The following ANK1 variants were observed in gnomAD, a reference collection of about 807,000 sequenced individuals.
ANK1 encodes ankyrin 1, also known as ankyrin-1.
A neutral mutation model predicts 210.4 loss-of-function variants in ANK1; 51 were observed. The ratio of observed to expected loss-of-function variants is 0.24; its 90% CI spans 0.19 to 0.31. ANK1 has a LOEUF of 0.31. Ranked by LOEUF, ANK1 falls within the 10% of genes least tolerant of loss-of-function variation. ANK1 has a pLI of 1.00. For synonymous variants in ANK1, 967 were observed against 1,025.9 expected (o/e 0.94, Z 1.10); for missense variants, 2,051 against 2,504.4 (o/e 0.82, Z 3.86).
rs474059 is a variant in ANK1 at position 41,663,951 on chromosome 8, C to G, written c.5395-209G>C. On this transcript the variant is annotated intron_variant, in intron 39 of 42. Coordinates refer to ENST00000289734, the MANE Select transcript of ANK1 (RefSeq NM_000037.4). Reference sequence around the variant, plus strand: ...CCTGAGGGTCTGGGAGGCCTGAAGACGAACGGTCGAGCTCACAATTGTGCA... The same window carrying G: ...CCTGAGGGTCTGGGAGGCCTGAAGAGGAACGGTCGAGCTCACAATTGTGCA... 0.57 allele frequency: 370,079 copies of G among 651,274 alleles called. 107,107 individuals carry two copies. Among genetic ancestry groups the G allele is most frequent in the East Asian group, 0.63 (21,783 of 34,702 alleles). 40.3% of individuals were successfully genotyped at this position (651,274 alleles called of 1,614,324 possible). A position where few individuals can be genotyped will look rare whatever the true frequency, so the allele number is the denominator to read the frequency against.
At chr8:41,780,021 G>T (rs890990419) in intron 1 of ANK1, among the ~76,000 whole-genome samples, 1 of 152,214 alleles carries the variant, frequency 6.6e-6, no homozygotes, top group Non-Finnish European at 1.5e-5. Flanking sequence ...GAGCACGGTA[G>T]CCCCTTGTTC....
At chr8:41,745,725 G>T in intron 2 of ANK1, among the ~76,000 whole-genome samples, 1 of 152,042 alleles carries the variant, frequency 6.6e-6, no homozygotes, top group East Asian at 1.9e-4. Flanking sequence ...TAGAGATGGG[G>T]TCTTGCTATG....
intron 1 of ANK1, among the ~76,000 whole-genome samples, chr8:41,864,455 C>G (rs551061100): frequency 6.6e-6 from 1 of 152,114 alleles, no homozygotes; most frequent in Non-Finnish European, 1.5e-5. Flanking sequence ...CTGCCCACCA[C>G]GAGAGCTGCT....
At chr8:41,709,995 C>CATT (rs750315770) in intron 16 of ANK1, among the ~76,000 whole-genome samples, 1 of 152,218 alleles carries the variant, frequency 6.6e-6, no homozygotes, top group Non-Finnish European at 1.5e-5. Context: ...GTTTGCAAGA[C>CATT]ATTATAATTG....
chr8:41,794,995 T>C (rs1218921500), intron 1 of ANK1, among the ~76,000 whole-genome samples: 3 of 152,134 alleles, frequency 2.0e-5, no homozygotes, highest in Non-Finnish European at 2.9e-5. Context: ...TGAGCCACCG[T>C]GCCTGGCCGT....
chr8:41,896,489 AC>A lies in ANK1; in HGVS notation c.-10del, dbSNP rs779976792. ...TTGGCCGCTTGAGCCATGGCGGGTC[AC>A]GGCGCTCCCGTCCCCGCCTCCTGGA... is the stretch of plus-strand genomic sequence containing the variant. On this transcript the variant is annotated 5_prime_UTR_variant, in exon 1 of 43. Coordinates refer to the ANK1 transcript ENST00000265709. 5.6e-4 allele frequency: 889 copies of A among 1,591,182 alleles called. 2 individuals carry two copies. The highest frequency in any genetic ancestry group is 3.5e-3 in the Middle Eastern group (21 of 6,024).
intron 38 of ANK1, among the ~76,000 whole-genome samples, chr8:41,669,131 A>G (rs2150557668): frequency 6.6e-6 from 1 of 151,360 alleles, no homozygotes; most frequent in East Asian, 2.0e-4. Flanking sequence ...CCCGGGGTGC[A>G]GTTCTCAGAC....
At chr8:41,802,118 T>G (rs1267902323), upstream of ANK1, among the ~76,000 whole-genome samples, 1 of 152,194 alleles carries the variant, frequency 6.6e-6, no homozygotes, top group African/African-American at 2.4e-5. Flanking sequence ...GCCTCCCGAA[T>G]AGCTGGGACT....
At chr8:41,868,004 C>T (rs765449554) in intron 1 of ANK1, among the ~76,000 whole-genome samples, 10 of 152,118 alleles carry the variant, frequency 6.6e-5, no homozygotes, top group Middle Eastern at 3.4e-3. Context: ...GGATTACAGG[C>T]GCCTGCCACC....
chr8:41,670,976 C>T (rs899245264), intron 38 of ANK1, among the ~76,000 whole-genome samples: 10 of 152,228 alleles, frequency 6.6e-5, no homozygotes, highest in Admixed American at 4.6e-4. Flanking sequence ...TCATCTCTTT[C>T]TACAATGGCA....
At chr8:41,659,899 TC>T (rs982202026) in intron 42 of ANK1, among the ~76,000 whole-genome samples, 4 of 151,750 alleles carry the variant, frequency 2.6e-5, no homozygotes, top group Non-Finnish European at 4.4e-5. Flanking sequence ...GCTCCCTCCT[TC>T]CCCCTAGCCT....
At chr8:41,819,342 A>G (rs1465988841) in intron 1 of ANK1, among the ~76,000 whole-genome samples, 1 of 152,236 alleles carries the variant, frequency 6.6e-6, no homozygotes, top group Non-Finnish European at 1.5e-5. Context: ...CTCAGCTCCA[A>G]TAAGTCTTTT....
chr8:41,723,408 T>C (rs1034611346), intron 8 of ANK1, 127 bp downstream of exon 8: 1 of 1,218,004 alleles, frequency 8.2e-7, no homozygotes, highest in Non-Finnish European at 1.2e-6. Flanking sequence ...AGAATACTGC[T>C]GCAGGCGGCT....
chr8:41,881,629 C>A (rs1415061798), intron 1 of ANK1, among the ~76,000 whole-genome samples: 1 of 152,232 alleles, frequency 6.6e-6, no homozygotes. Context: ...CTGCCTCTCA[C>A]TTTTTTCCTC....
intron 1 of ANK1, among the ~76,000 whole-genome samples, chr8:41,807,769 C>T (rs1016326204): frequency 2.0e-5 from 3 of 152,106 alleles, no homozygotes; most frequent in Non-Finnish European, 2.9e-5. Flanking sequence ...GTTCAAAGGA[C>T]GCTAGTTGAA....
intron 20 of ANK1, 39 bp from the exon 21 acceptor site, chr8:41,702,183 T>A: frequency 6.4e-7 from 1 of 1,567,446 alleles, no homozygotes; most frequent in Non-Finnish European, 8.8e-7. Flanking sequence ...AGACAGGGGA[T>A]GGAGTCTAGG....
chr8:41,771,663 G>T (rs1389667754), intron 1 of ANK1, among the ~76,000 whole-genome samples: 1 of 152,166 alleles, frequency 6.6e-6, no homozygotes, highest in Non-Finnish European at 1.5e-5. Context: ...CTGTCTCCTT[G>T]CAGGTCTCTC....
intron 37 of ANK1, among the ~76,000 whole-genome samples, chr8:41,676,167 A>C (rs2150567815): frequency 6.6e-6 from 1 of 152,342 alleles, no homozygotes; most frequent in East Asian, 1.9e-4. Flanking sequence ...CTTTGTCAGA[A>C]ATGATCAAGT....
At chr8:41,692,575 C>A (rs1819567384) in intron 31 of ANK1, 73 bp downstream of exon 31, 2 of 1,466,936 alleles carry the variant, frequency 1.4e-6, no homozygotes, top group Non-Finnish European at 1.9e-6. Flanking sequence ...CCTGCCTGCA[C>A]CTGGTAATGG....
Sources: gnomAD v4.1 joint callset for allele counts (sites outside exome capture counted in the v4.1 genomes callset) on GRCh38, gnomAD v4.1.1 for gene constraint, MANE v1.5 for transcripts, NCBI Gene and HGNC (gene_info 2026-07-23, HGNC 2026-07-21) for gene names.